The following RAVER2 variants were observed in gnomAD, a reference collection of about 807,000 sequenced individuals.
RAVER2 encodes the protein ribonucleoprotein, PTB binding 2.
In RAVER2, 46 loss-of-function variants were observed where a neutral mutation model predicts 78.1. The ratio of observed to expected loss-of-function variants is 0.59; its 90% CI spans 0.46 to 0.75. RAVER2 has a LOEUF of 0.75. Ranked by LOEUF, RAVER2 falls within the 30% of genes least tolerant of loss-of-function variation. The probability of loss-of-function intolerance (pLI) is 0.00; values close to 1 mark genes in which losing one functional copy is unlikely to be tolerated. For missense variants in RAVER2, 793 were observed against 837.5 expected (o/e 0.95, Z 0.66); for synonymous variants, 311 against 313.3 (o/e 0.99, Z 0.08).
At chr1:64,793,139 G>A (rs1652990864) in intron 5 of RAVER2, among the ~76,000 whole-genome samples, 1 of 152,046 alleles carries the variant, frequency 6.6e-6, no homozygotes, top group African/African-American at 2.4e-5. Context: ...GGAGGCGGAG[G>A]TTGCAGTGAG....
chr1:64,818,370 A>G (rs1280615596), intron 11 of RAVER2, among the ~76,000 whole-genome samples: 2 of 152,100 alleles, frequency 1.3e-5, no homozygotes, highest in Non-Finnish European at 2.9e-5. Context: ...CCCCATCTCC[A>G]CTAAAAATAC....
In RAVER2 at chr1:64,788,491, A is replaced by G. The variant is rs541868397; in HGVS notation, c.979-897A>G. 8.7e-5 allele frequency among the ~76,000 whole-genome samples: 13 copies of G among 149,258 alleles called. No individual in the cohort carries two copies. In the South Asian group the frequency reaches 2.8e-3, roughly 32 times the overall value. ...CGTCTCAAAAAATAAAAATAAAAAA[A>G]CAATAATAAAGAAGATTTTGGGTCA... is the stretch of plus-strand genomic sequence containing the variant. On this transcript the variant is annotated intron_variant, in intron 4 of 11. Transcript: ENST00000294428.
intron 1 of RAVER2, among the ~76,000 whole-genome samples, chr1:64,756,623 T>G (rs12046407): frequency 0.047 from 7,169 of 152,282 alleles, 405 homozygotes; most frequent in East Asian, 0.26. Flanking sequence ...TGTTACATCT[T>G]ATACAACCAA....
intron 2 of RAVER2, among the ~76,000 whole-genome samples, chr1:64,772,331 C>G (rs1475688849): frequency 6.6e-6 from 1 of 152,034 alleles, no homozygotes; most frequent in African/African-American, 2.4e-5. Flanking sequence ...CTAAGTTGAG[C>G]AAATGCAGAT....
chr1:64,804,987 G>A lies in RAVER2; in HGVS notation c.1297-4G>A. ...GGGTCTTACCTTTTTTTCTTCTTTT[G>A]TAGAAACCCGGCTTACTTGGAGAGC... On this transcript the variant is annotated splice_region_variant and splice_polypyrimidine_tract_variant and intron_variant, in intron 7 of 11. Transcript: ENST00000294428. 1 of 1,608,512 alleles carries A rather than the reference G, an allele frequency of 6.2e-7. No homozygotes were observed. Among genetic ancestry groups the A allele is most frequent in the African/African-American group, 1.4e-5 (1 of 74,002 alleles).
exon 6 of RAVER2, chr1:64,803,032 G>A: frequency 1.2e-6 from 2 of 1,606,222 alleles, no homozygotes; most frequent in Non-Finnish European, 1.7e-6. Context: ...CATCTCTCCT[G>A]CATTTTTACA....
At chr1:64,751,536 C>A (rs79027835) in intron 1 of RAVER2, among the ~76,000 whole-genome samples, 1 of 152,242 alleles carries the variant, frequency 6.6e-6, no homozygotes, top group East Asian at 1.9e-4. Flanking sequence ...TCTCTTGATT[C>A]TTCTATTTGC....
At chr1:64,777,829 T>C (rs905711828) in exon 3 of RAVER2, 3 of 1,614,018 alleles carry the variant, frequency 1.9e-6, no homozygotes, top group Non-Finnish European at 2.5e-6. Context: ...TTTTCTGGTC[T>C]ATAGTGAAGT....
At chr1:64,754,914 A>T (rs576841692) in intron 1 of RAVER2, among the ~76,000 whole-genome samples, 1 of 152,322 alleles carries the variant, frequency 6.6e-6, no homozygotes, top group South Asian at 2.1e-4. Flanking sequence ...TCTGGGCAAG[A>T]ATATAAATCA....
chr1:64,785,290 T>G (rs950417581), intron 4 of RAVER2, among the ~76,000 whole-genome samples: 13 of 152,272 alleles, frequency 8.5e-5, no homozygotes, highest in African/African-American at 3.1e-4. Flanking sequence ...AATCATGATT[T>G]CTCCTTAATT....
Position 64,807,486 on chromosome 1 carries a change from G to A in RAVER2, c.1680+12G>A, listed in dbSNP as rs1286900707. ...AGATAAGTTCAGGGGTAAGAAAACT[G>A]TGGGTGCACACAGATGTATATATAC... is the stretch of plus-strand genomic sequence containing the variant. On this transcript the variant is annotated intron_variant, in intron 9 of 11. Coordinates refer to ENST00000294428, the Ensembl canonical transcript of RAVER2. The A allele has an allele frequency of 6.2e-7, 1 of 1,611,526 alleles. No individual in the cohort carries two copies. The highest frequency in any genetic ancestry group is 1.3e-5 in the African/African-American group (1 of 74,870).
exon 12 of RAVER2, chr1:64,831,124 G>A: frequency 1.2e-6 from 1 of 861,532 alleles, no homozygotes; most frequent in Non-Finnish European, 1.7e-6. Flanking sequence ...TTGTGCAGCA[G>A]GCAGAAATGC....
At chr1:64,824,542 A>G (rs900522980) in intron 11 of RAVER2, among the ~76,000 whole-genome samples, 5 of 152,254 alleles carry the variant, frequency 3.3e-5, no homozygotes, top group Admixed American at 1.3e-4. Context: ...ATGGGAGCAC[A>G]GGTTATCTAT....
intron 2 of RAVER2, among the ~76,000 whole-genome samples, chr1:64,771,072 C>G (rs1266227114): frequency 6.6e-6 from 1 of 151,926 alleles, no homozygotes; most frequent in Non-Finnish European, 1.5e-5. Context: ...GCTCAACCAA[C>G]TTCAAGTACA....
chr1:64,825,180 A>G (rs1365523882), intron 11 of RAVER2, among the ~76,000 whole-genome samples: 1 of 152,156 alleles, frequency 6.6e-6, no homozygotes. Flanking sequence ...AATGGGAGAA[A>G]GTTATATTTT....
At chr1:64,826,602 T>G (rs1442486604) in intron 11 of RAVER2, among the ~76,000 whole-genome samples, 3 of 152,144 alleles carry the variant, frequency 2.0e-5, no homozygotes, top group Non-Finnish European at 4.4e-5. Flanking sequence ...ATTTAGGACC[T>G]TTTAGGCCCT....
intron 8 of RAVER2, among the ~76,000 whole-genome samples, chr1:64,806,219 T>A (rs1653415057): frequency 6.6e-6 from 1 of 152,184 alleles, no homozygotes; most frequent in African/African-American, 2.4e-5. Context: ...TTTGCCAGCC[T>A]GGGCAACATG....
intron 5 of RAVER2, among the ~76,000 whole-genome samples, chr1:64,799,593 C>G (rs1044950244): frequency 6.6e-6 from 1 of 152,128 alleles, no homozygotes. Flanking sequence ...CTGGCATGCA[C>G]CACTACACCC....
chr1:64,822,039 G>T (rs535435970), intron 11 of RAVER2, among the ~76,000 whole-genome samples: 36 of 152,354 alleles, frequency 2.4e-4, no homozygotes, highest in Non-Finnish European at 4.1e-4. Flanking sequence ...TGTAATCGCA[G>T]CACTTTGGGA....
Sources: gnomAD v4.1 joint callset for allele counts (sites outside exome capture counted in the v4.1 genomes callset) on GRCh38, gnomAD v4.1.1 for gene constraint, MANE v1.5 for transcripts, NCBI Gene and HGNC (gene_info 2026-07-23, HGNC 2026-07-21) for gene names.